The following CACNA2D3 variants were observed in gnomAD, a reference collection of about 807,000 sequenced individuals.
CACNA2D3 encodes calcium voltage-gated channel auxiliary subunit alpha2delta 3, also known as voltage-dependent calcium channel subunit alpha-2/delta-3.
Under a neutral mutation model 160.6 loss-of-function variants are expected in CACNA2D3, and 60 were observed. That is an observed-to-expected ratio of 0.37 (90% CI 0.30 to 0.46). The LOEUF (loss-of-function observed/expected upper bound fraction) is 0.46, where lower values mean the gene tolerates loss of function less well. Among genes scored for constraint, CACNA2D3 ranks in the 20% least tolerant of loss-of-function variants. The pLI is 1.00. For synonymous variants in CACNA2D3, 558 were observed against 492.9 expected, an observed-to-expected ratio of 1.13 and a Z score of -1.75; for missense variants, 1,205 against 1,365.0, an observed-to-expected ratio of 0.88 and a Z score of 1.85.
At chr3:54,870,439 C>T (rs925277802) in intron 17 of CACNA2D3, among the ~76,000 whole-genome samples, 2 of 152,278 alleles carry the variant, frequency 1.3e-5, no homozygotes, top group East Asian at 3.9e-4. Context: ...AAGCAGTATA[C>T]ATGCATATAT....
intron 9 of CACNA2D3, among the ~76,000 whole-genome samples, chr3:54,624,099 CCTTAA>C (rs1471676981): frequency 6.6e-6 from 1 of 152,032 alleles, no homozygotes; most frequent in African/African-American, 2.4e-5. Context: ...ATTTGGGAGT[CCTTAA>C]CTTGAGAAGA....
At chr3:54,371,930 T>G (rs1698932150) in intron 3 of CACNA2D3, among the ~76,000 whole-genome samples, 1 of 152,270 alleles carries the variant, frequency 6.6e-6, no homozygotes, top group African/African-American at 2.4e-5. Flanking sequence ...TTAATATGAA[T>G]AATTATTTGT....
At chr3:54,559,638 T>C (rs1184148656) in intron 5 of CACNA2D3, among the ~76,000 whole-genome samples, 3 of 152,316 alleles carry the variant, frequency 2.0e-5, no homozygotes, top group Admixed American at 6.5e-5. Context: ...AGGTTTGTTA[T>C]ATAGACACAC....
chr3:54,935,473 C>T (rs148690445), intron 27 of CACNA2D3, among the ~76,000 whole-genome samples: 219 of 152,236 alleles, frequency 1.4e-3, no homozygotes, highest in African/African-American at 5.0e-3. Flanking sequence ...AAGAAACAAA[C>T]GGATCAAGAA....
chr3:54,466,023 C>G (rs574969444), intron 4 of CACNA2D3, among the ~76,000 whole-genome samples: 296 of 152,296 alleles, frequency 1.9e-3, no homozygotes, highest in Non-Finnish European at 3.4e-3. Context: ...CCTCCACCTT[C>G]AAAACCACCA....
intron 3 of CACNA2D3, among the ~76,000 whole-genome samples, chr3:54,369,359 G>A (rs180837556): frequency 6.9e-4 from 105 of 152,234 alleles, no homozygotes; most frequent in African/African-American, 2.3e-3. Flanking sequence ...AGCCGTGGTC[G>A]TGCAGGCAAG....
chr3:54,327,321 T>C (rs1704139281), intron 3 of CACNA2D3, among the ~76,000 whole-genome samples: 1 of 152,242 alleles, frequency 6.6e-6, no homozygotes, highest in Admixed American at 6.5e-5. Context: ...GACTTGTATG[T>C]GTAATTTCAT....
intron 10 of CACNA2D3, among the ~76,000 whole-genome samples, chr3:54,628,760 T>G (rs1189742100): frequency 6.6e-6 from 1 of 152,040 alleles, no homozygotes; most frequent in African/African-American, 2.4e-5. Context: ...AATGAAGCAA[T>G]CCACAGATTA....
At chr3:54,761,935 C>T (rs1379247530) in intron 12 of CACNA2D3, among the ~76,000 whole-genome samples, 2 of 152,108 alleles carry the variant, frequency 1.3e-5, no homozygotes, top group African/African-American at 4.8e-5. Context: ...ATTTCCTTAC[C>T]CTGAGCCCTA....
At chr3:54,566,596 G>A (rs988080823) in intron 6 of CACNA2D3, among the ~76,000 whole-genome samples, 2 of 152,178 alleles carry the variant, frequency 1.3e-5, no homozygotes, top group African/African-American at 4.8e-5. Context: ...AGAAAACTGT[G>A]TCTATACATC....
intron 11 of CACNA2D3, among the ~76,000 whole-genome samples, chr3:54,729,531 G>A (rs553509165): frequency 2.0e-5 from 3 of 152,296 alleles, no homozygotes; most frequent in African/African-American, 7.2e-5. Flanking sequence ...CACAGTCATT[G>A]GGTGGTGGCA....
At chr3:54,383,047 C>T (rs1034217077) in intron 3 of CACNA2D3, among the ~76,000 whole-genome samples, 3 of 152,058 alleles carry the variant, frequency 2.0e-5, no homozygotes, top group African/African-American at 4.8e-5. Context: ...GGGGATTTGC[C>T]ATGTTGCCCA....
At chr3:54,291,815 T>G (rs1160476835) in intron 2 of CACNA2D3, among the ~76,000 whole-genome samples, 1 of 152,154 alleles carries the variant, frequency 6.6e-6, no homozygotes, top group African/African-American at 2.4e-5. Context: ...AAGGAACATT[T>G]ACATTGATTC....
At chr3:54,403,022 T>G (rs1240226935) in intron 4 of CACNA2D3, among the ~76,000 whole-genome samples, 1 of 152,136 alleles carries the variant, frequency 6.6e-6, no homozygotes, top group Non-Finnish European at 1.5e-5. Flanking sequence ...AACATGCTCC[T>G]GAACAACCCA....
chr3:54,641,119 G>C (rs1203545643), intron 10 of CACNA2D3, among the ~76,000 whole-genome samples: 1 of 152,122 alleles, frequency 6.6e-6, no homozygotes, highest in Non-Finnish European at 1.5e-5. Flanking sequence ...ACTGTGTCCT[G>C]GGGTGCAGCC....
chr3:54,357,717 T>C (rs184480261), intron 3 of CACNA2D3, among the ~76,000 whole-genome samples: 6 of 152,342 alleles, frequency 3.9e-5, no homozygotes, highest in Admixed American at 3.9e-4. Flanking sequence ...CTGCAGACAA[T>C]GGAATGTTAT....
chr3:54,875,322 GTT>G (rs1309690984), intron 18 of CACNA2D3: 1 of 152,140 alleles, frequency 6.6e-6, no homozygotes, highest in Non-Finnish European at 1.5e-5. Context: ...GCTCAAGTCT[GTT>G]TTCCTACGCT....
At chr3:54,295,781 T>G (rs1307309002) in intron 2 of CACNA2D3, among the ~76,000 whole-genome samples, 4 of 152,208 alleles carry the variant, frequency 2.6e-5, no homozygotes, top group Non-Finnish European at 5.9e-5. Context: ...AATTTCCTTG[T>G]GATAAAATTG....
intron 27 of CACNA2D3, 52 bp from the exon 28 acceptor site, chr3:54,968,398 T>C (rs1256042107): frequency 3.4e-6 from 4 of 1,192,168 alleles, no homozygotes; most frequent in African/African-American, 1.5e-5. Context: ...TAATCTTAAA[T>C]AATTGTGTAA....
Sources: gnomAD v4.1 joint callset for allele counts (sites outside exome capture counted in the v4.1 genomes callset) on GRCh38, gnomAD v4.1.1 for gene constraint, MANE v1.5 for transcripts, NCBI Gene and HGNC (gene_info 2026-07-23, HGNC 2026-07-21) for gene names.